The following MYEF2 variants were observed in gnomAD, a reference collection of about 807,000 sequenced individuals.
The protein encoded by MYEF2 is myelin expression factor 2, also known as myelin gene expression factor 2.
A neutral mutation model predicts 75.2 loss-of-function variants in MYEF2; 37 were observed. The ratio of observed to expected loss-of-function variants is 0.49; its 90% CI spans 0.38 to 0.65. MYEF2 has a LOEUF of 0.65. MYEF2 is among the 30% of genes least tolerant of loss of function. The pLI is 0.00. For synonymous variants in MYEF2, 195 were observed against 241.6 expected (o/e 0.81, Z 1.79); for missense variants, 634 against 771.4 (o/e 0.82, Z 2.11).
chr15:48,165,763 C>A (rs1458077699), intron 5 of MYEF2, among the ~76,000 whole-genome samples, 170 bp downstream of exon 5: 3 of 151,690 alleles, frequency 2.0e-5, no homozygotes, highest in Admixed American at 2.0e-4. Flanking sequence ...TGCTTAACAG[C>A]AAATATAAAA....
rs2039387470 is a variant in MYEF2 at position 48,148,884 on chromosome 15, TG to T, written c.1639+147del. The T allele has an allele frequency of 1.2e-5, 9 of 753,100 alleles. No homozygotes were observed. In the South Asian group the frequency reaches 1.4e-4, roughly 12 times the overall value. The allele number at this position is 753,100 out of a possible 1,614,324, so 46.7% of individuals were successfully genotyped here. A position where few individuals can be genotyped will look rare whatever the true frequency, so the allele number is the denominator to read the frequency against. ...AAGATAGTGAAATAATTCATTTATT[TG>T]AAGTGGAATTAGACCTGGCACGCTA... On this transcript the variant is annotated intron_variant, in intron 16 of 16. Transcript: ENST00000324324.
chr15:48,162,990 C>T (rs2140902547), intron 5 of MYEF2: 1 of 152,242 alleles, frequency 6.6e-6, no homozygotes, highest in Middle Eastern at 3.4e-3. Flanking sequence ...AAGTCTCTCA[C>T]TTTAAATCAA....
intron 1 of MYEF2, 105 bp downstream of exon 1, chr15:48,177,972 G>A (rs561639801): frequency 3.5e-6 from 5 of 1,422,696 alleles, no homozygotes; most frequent in African/African-American, 1.5e-5. Flanking sequence ...GGCGGGCCGG[G>A]GTCTGGGGGT....
chr15:48,178,180 G>C lies in MYEF2; in HGVS notation c.58C>G (p.Leu20Val), dbSNP rs957720337. 20 of 1,536,462 alleles carry C rather than the reference G, an allele frequency of 1.3e-5. No homozygotes were observed. In the African/African-American group the frequency reaches 2.7e-4, roughly 21 times the overall value. The change falls in exon 1 of 17, where the codon CTG becomes GTG. Residue 20 changes from leucine (L) to valine (V), a missense_variant. By Grantham distance (32) the Leu-to-Val change is conservative. Coordinates refer to ENST00000324324, the MANE Select transcript of MYEF2 (RefSeq NM_016132.5). Reference sequence around the variant, plus strand: ...TCGCCCGGCGGCTCTGCGGGCTGCAGGTGCGGGCTGTCGCCACCAGTGGCC... The same window carrying C: ...TCGCCCGGCGGCTCTGCGGGCTGCACGTGCGGGCTGTCGCCACCAGTGGCC... ...PGATGGDSPH[L>V]QPAEPPGEPR...
At chr15:48,159,446 GTGTATATATATGTATATACGTCAAT>G in intron 6 of MYEF2, 142 bp downstream of exon 6, 1 of 612,316 alleles carries the variant, frequency 1.6e-6, no homozygotes, top group East Asian at 2.8e-5. Flanking sequence ...GTGTGTGTGT[GTGTATATATATGTATATACGTCAAT>G]TGATTTTGAG....
intron 7 of MYEF2, 133 bp from the exon 8 acceptor site, chr15:48,158,357 C>A (rs1567257182): frequency 1.3e-6 from 1 of 746,170 alleles, no homozygotes; most frequent in Non-Finnish European, 2.1e-6. Flanking sequence ...TTGATATTAG[C>A]CACTTTCATA....
Position 48,178,205 on chromosome 15 carries a change from C to T in MYEF2, c.33G>A (p.Gly11=). 1 of 1,491,168 alleles carries T rather than the reference C, an allele frequency of 6.7e-7. No individual in the cohort carries two copies. The highest frequency in any genetic ancestry group is 8.9e-7 in the Non-Finnish European group (1 of 1,123,106). The allele number at this position is 1,491,168 out of a possible 1,614,324, so 92.4% of individuals were successfully genotyped here. The part of the protein sequence containing the change: MADANKAEVP[G]ATGGDSPHLQ... ...GGTGCGGGCTGTCGCCACCAGTGGC[C>T]CCGGGCACCTCGGCCTTGTTGGCGT... The change falls in exon 1 of 17, where the codon GGG becomes GGA. Residue 11 remains glycine, a synonymous_variant. Coordinates refer to ENST00000324324, the MANE Select transcript of MYEF2 (RefSeq NM_016132.5).
intron 3 of MYEF2, among the ~76,000 whole-genome samples, chr15:48,166,735 T>G (rs1334515019): frequency 1.3e-5 from 2 of 152,016 alleles, no homozygotes; most frequent in African/African-American, 4.8e-5. Context: ...GACAAAATTT[T>G]TATTCATCAT....
rs1346693230 is a variant in MYEF2 at position 48,149,491 on chromosome 15, G to C, written c.1379-120C>G. On this transcript the variant is annotated intron_variant, in intron 14 of 16. Coordinates refer to ENST00000324324, the MANE Select transcript of MYEF2 (RefSeq NM_016132.5). The surrounding 1 kb of genome is among the most constrained non-coding windows in gnomAD (Gnocchi z 4.0). ...AGATAAACATTTTTGAGAAAGAAGG[G>C]GGAAATTAATTTGTTTATATAATTA... The C allele has an allele frequency of 1.6e-6, 1 of 638,240 alleles. No homozygotes were observed. The highest frequency in any genetic ancestry group is 2.6e-6 in the Non-Finnish European group (1 of 388,128). The allele number at this position is 638,240 out of a possible 1,614,324, so 39.5% of individuals were successfully genotyped here. A position where few individuals can be genotyped will look rare whatever the true frequency, so the allele number is the denominator to read the frequency against.
At chr15:48,158,628 A>C (rs1298839101) in intron 7 of MYEF2, 141 bp downstream of exon 7, 1 of 957,298 alleles carries the variant, frequency 1.0e-6, no homozygotes, top group African/African-American at 1.6e-5. Context: ...GGACCTACTA[A>C]GGGTTTTATT....
In MYEF2 at chr15:48,138,978, G is replaced by A; in HGVS notation, c.*3930C>T. The A allele has an allele frequency of 6.2e-7, 1 of 1,611,518 alleles. No homozygotes were observed. The highest frequency in any genetic ancestry group is 8.5e-7 in the Non-Finnish European group (1 of 1,178,664). On this transcript the variant is annotated 3_prime_UTR_variant, in exon 17 of 17. Coordinates refer to ENST00000324324, the MANE Select transcript of MYEF2 (RefSeq NM_016132.5). Reference sequence around the variant, plus strand: ...ACTTTTTCCACAACAGATCCACCAAGTGTTTTCAACATGCCTGAAGCAGAC... The same window carrying A: ...ACTTTTTCCACAACAGATCCACCAAATGTTTTCAACATGCCTGAAGCAGAC...
chr15:48,156,712 G>C (rs2039710550), intron 9 of MYEF2, among the ~76,000 whole-genome samples: 1 of 151,316 alleles, frequency 6.6e-6, no homozygotes, highest in Non-Finnish European at 1.5e-5. Flanking sequence ...ATAAAATGTG[G>C]TATCAGCAGT....
intron 1 of MYEF2, among the ~76,000 whole-genome samples, chr15:48,176,107 T>C (rs1394722858): frequency 6.6e-6 from 1 of 151,882 alleles, no homozygotes; most frequent in Non-Finnish European, 1.5e-5. Flanking sequence ...TGGGGCAATA[T>C]TATGGTAATT....
chr15:48,145,339 G>GA (rs763640768), intron 16 of MYEF2, among the ~76,000 whole-genome samples: 2 of 151,732 alleles, frequency 1.3e-5, no homozygotes, highest in African/African-American at 4.8e-5. Context: ...TAATTGAGGA[G>GA]AAAAAAATTA....
At chr15:48,158,123 C>A (rs1384333075) in intron 8 of MYEF2, 52 bp downstream of exon 8, 34 of 1,610,168 alleles carry the variant, frequency 2.1e-5, no homozygotes, top group Non-Finnish European at 8.5e-7. Context: ...TAGAAGAGAG[C>A]CAATAAAAGA....
chr15:48,166,789 T>C (rs942082708), intron 3 of MYEF2, among the ~76,000 whole-genome samples: 11 of 151,826 alleles, frequency 7.2e-5, no homozygotes, highest in African/African-American at 2.7e-4. Flanking sequence ...TTGCTAAGAG[T>C]TTTCCATTGT....
Position 48,135,178 on chromosome 15 carries a change from T to A in MYEF2, c.*7730A>T. 1 of 470,920 alleles carries A rather than the reference T, an allele frequency of 2.1e-6. No individual in the cohort carries two copies. Among genetic ancestry groups the A allele is most frequent in the Non-Finnish European group, 3.8e-6 (1 of 260,646 alleles). The allele number at this position is 470,920 out of a possible 1,614,324, so 29.2% of individuals were successfully genotyped here. ...TCACTAGTTTGCAATTTCTTCTTAA[T>A]CACTTCACAGTCTCCTTTTTTCTCT... On this transcript the variant is annotated 3_prime_UTR_variant, in exon 17 of 17. Transcript: ENST00000324324.
chr15:48,163,263 T>C (rs896334512), intron 5 of MYEF2, among the ~76,000 whole-genome samples: 4 of 152,230 alleles, frequency 2.6e-5, no homozygotes, highest in Non-Finnish European at 4.4e-5. Flanking sequence ...TTCACTTGTT[T>C]GTGCTTATAA....
At position 48,142,851 on chromosome 15, in the gene MYEF2, C is replaced by T. The variant is rs572589487; in HGVS notation, c.*57G>A. The T allele has an allele frequency of 1.4e-4, 211 of 1,482,866 alleles. No individual in the cohort carries two copies. In the African/African-American group the frequency reaches 2.8e-3, roughly 19 times the overall value. The allele number at this position is 1,482,866 out of a possible 1,614,324, so 91.9% of individuals were successfully genotyped here. ...ATACAATATTACTTTAAAAAAATGA[C>T]TTTTACTAGGAGATTCAGCAAAACA... On this transcript the variant is annotated 3_prime_UTR_variant, in exon 17 of 17. Coordinates refer to ENST00000324324, the MANE Select transcript of MYEF2 (RefSeq NM_016132.5).
Sources: allele counts gnomAD v4.1 joint callset (sites outside exome capture counted in the v4.1 genomes callset), GRCh38; gene constraint gnomAD v4.1.1; non-coding constraint Gnocchi (gnomAD v3.1); transcripts MANE v1.5; gene names NCBI Gene and HGNC (gene_info 2026-07-23, HGNC 2026-07-21).